Variants in SNX30 observed in about 807,000 individuals in gnomAD.
SNX30 encodes the protein sorting nexin family member 30, also known as sorting nexin-30.
In SNX30, 24 loss-of-function variants were observed where a neutral mutation model predicts 46.4. That is an observed-to-expected ratio of 0.52 (90% confidence interval 0.37 to 0.73). The LOEUF is 0.73. SNX30 is among the 30% of genes least tolerant of loss of function. The pLI, the probability that SNX30 is intolerant of heterozygous loss-of-function variation, is 0.00. For missense variants in SNX30, 533 were observed against 555.7 expected (o/e 0.96, Z 0.41); for synonymous variants, 189 against 211.5 (o/e 0.89, Z 0.92).
chr9:112,828,653 C>T (rs549991377), intron 3 of SNX30, among the ~76,000 whole-genome samples: 127 of 152,192 alleles, frequency 8.3e-4, no homozygotes, highest in Non-Finnish European at 1.6e-3. Context: ...GATCCGTTGA[C>T]AGGGAACTTT....
rs539644782 is a variant in SNX30, at chr9:112,822,549, T to G, written c.459+4734T>G. On this transcript the variant is annotated intron_variant, in intron 3 of 8. Transcript: ENST00000374232. Reference sequence around the variant, plus strand: ...CTTTGCTGTTTTGTTTTGTTTTTTTTTTTTGTAAGAACCTGTAACATAAGA... The same window carrying G: ...CTTTGCTGTTTTGTTTTGTTTTTTTGTTTTGTAAGAACCTGTAACATAAGA... 4.9e-4 allele frequency among the ~76,000 whole-genome samples: 73 copies of G among 150,454 alleles called. 1 individual carries two copies. Among genetic ancestry groups the G allele is most frequent in the African/African-American group, 1.7e-3 (69 of 41,092 alleles).
At chr9:112,866,869 TCCCACC>T (rs1841355113) in intron 8 of SNX30, among the ~76,000 whole-genome samples, 1 of 141,212 alleles carries the variant, frequency 7.1e-6, no homozygotes. Flanking sequence ...TCAGAACTCC[TCCCACC>T]TCCTCAGAAC....
chr9:112,780,772 A>T (rs986142076), intron 1 of SNX30, among the ~76,000 whole-genome samples: 1 of 152,204 alleles, frequency 6.6e-6, no homozygotes, highest in Non-Finnish European at 1.5e-5. Context: ...GAAATTCACT[A>T]GGTATAAATA....
At chr9:112,752,119 G>A (rs1391636303) in intron 1 of SNX30, among the ~76,000 whole-genome samples, 1 of 152,134 alleles carries the variant, frequency 6.6e-6, no homozygotes, top group African/African-American at 2.4e-5. Flanking sequence ...GGGAGCAGGG[G>A]ACCTAACTTT....
chr9:112,883,960 G>A (rs182890684), downstream of SNX30, among the ~76,000 whole-genome samples: 2 of 152,310 alleles, frequency 1.3e-5, no homozygotes, highest in African/African-American at 4.8e-5. Context: ...CTCCCAAAGT[G>A]CTGGGATTAC....
intron 1 of SNX30, among the ~76,000 whole-genome samples, chr9:112,786,128 T>C (rs969475593): frequency 4.6e-5 from 7 of 151,502 alleles, no homozygotes; most frequent in African/African-American, 1.7e-4. Context: ...TTTTTTTTTT[T>C]TTTTTTGGAG....
intron 1 of SNX30, among the ~76,000 whole-genome samples, chr9:112,757,072 T>G (rs183483509): frequency 2.3e-4 from 35 of 152,342 alleles, no homozygotes; most frequent in African/African-American, 8.2e-4. Flanking sequence ...AGTCCTCATG[T>G]TCTACATTAG....
rs999683555 is a variant in SNX30 at position 112,804,827 on chromosome 9, T to G, written c.208T>G (p.Ser70Ala). The change falls in exon 2 of 9, where the codon TCT becomes GCT. Residue 70 changes from serine (S) to alanine (A), a missense_variant. Ser to Ala is a moderately conservative substitution (Grantham distance 99, BLOSUM62 1). Around this residue, in one of 3 missense-constraint regions of SNX30, gnomAD observed 191 missense variants for 160.3 expected, o/e 1.19. Transcript: ENST00000374232. ...TCCAGCAGGTACTTCAAGTCCAGCTTCTTCATCTTCCCTTCTCAACAGACT... is the reference window on the plus strand; with the variant it reads ...TCCAGCAGGTACTTCAAGTCCAGCTGCTTCATCTTCCCTTCTCAACAGACT... Reference protein sequence around the residue: ...GTPAGTSSPASSSSLLNRLQL... With the variant: ...GTPAGTSSPAASSSLLNRLQL... 1.1e-5 allele frequency: 17 copies of G among 1,613,908 alleles called. No homozygotes were observed. The highest frequency in any genetic ancestry group is 1.4e-5 in the Non-Finnish European group (17 of 1,179,822).
intron 1 of SNX30, among the ~76,000 whole-genome samples, chr9:112,771,584 G>A (rs1003942699): frequency 6.6e-6 from 1 of 152,110 alleles, no homozygotes; most frequent in African/African-American, 2.4e-5. Flanking sequence ...CAAGAGTATA[G>A]TCTCCCCGGG....
intron 4 of SNX30, among the ~76,000 whole-genome samples, chr9:112,831,139 T>TA (rs77607146): frequency 0.023 from 2,690 of 119,106 alleles, 30 homozygotes; most frequent in Admixed American, 0.049. Flanking sequence ...CCTATCTCTT[T>TA]AAAAAAAAAA....
intron 4 of SNX30, among the ~76,000 whole-genome samples, chr9:112,834,549 A>G (rs1049615059): frequency 3.3e-5 from 5 of 152,156 alleles, no homozygotes; most frequent in African/African-American, 9.7e-5. Context: ...AGCACCCTTC[A>G]GGAAACTCCA....
downstream of SNX30, among the ~76,000 whole-genome samples, chr9:112,884,300 C>G (rs1241105797): frequency 2.0e-5 from 3 of 152,240 alleles, no homozygotes; most frequent in Non-Finnish European, 4.4e-5. Context: ...CTCCCCTGCT[C>G]TGGCATGCCT....
chr9:112,779,213 G>A (rs560709731), intron 1 of SNX30, among the ~76,000 whole-genome samples: 1 of 152,328 alleles, frequency 6.6e-6, no homozygotes, highest in African/African-American at 2.4e-5. Context: ...ATGTATTAGC[G>A]GGACATTTAG....
At chr9:112,794,285 G>A (rs775805096) in intron 1 of SNX30, among the ~76,000 whole-genome samples, 98 of 151,874 alleles carry the variant, frequency 6.5e-4, no homozygotes, top group Non-Finnish European at 1.1e-3. Flanking sequence ...CCTGAGTAGC[G>A]GGGATTACAG....
intron 1 of SNX30, among the ~76,000 whole-genome samples, chr9:112,761,218 A>G (rs1352840535): frequency 1.3e-5 from 2 of 152,168 alleles, no homozygotes; most frequent in African/African-American, 4.8e-5. Context: ...GCTGGAGTGC[A>G]GTGGTGTTAC....
At chr9:112,879,484 C>T, downstream of SNX30, 2 of 376,276 alleles carry the variant, frequency 5.3e-6, no homozygotes, top group Non-Finnish European at 9.9e-6. Flanking sequence ...GTGCAGCCTG[C>T]CTGTAACCCT....
At chr9:112,784,242 AC>A (rs1839886240) in intron 1 of SNX30, among the ~76,000 whole-genome samples, 1 of 152,002 alleles carries the variant, frequency 6.6e-6, no homozygotes. Context: ...GGGTACCTGG[AC>A]AGTTGGCAGC....
Position 112,810,877 on chromosome 9 carries a change from G to A in SNX30, c.348+5910G>A, listed in dbSNP as rs566618146. 8.2e-4 allele frequency among the ~76,000 whole-genome samples: 125 copies of A among 152,220 alleles called. 1 individual carries two copies. The highest frequency in any genetic ancestry group is 2.8e-3 in the African/African-American group (118 of 41,536). ...AGCCTCAGAAGGGTTTTCACAGGGC[G>A]GTTGGGGAGTGGTGGTCAGGAGCTG... On this transcript the variant is annotated intron_variant, in intron 2 of 8. Transcript: ENST00000374232.
intron 1 of SNX30, among the ~76,000 whole-genome samples, chr9:112,756,570 C>T (rs2131345544): frequency 6.7e-6 from 1 of 149,832 alleles, no homozygotes; most frequent in Non-Finnish European, 1.5e-5. Flanking sequence ...AAGCGATTTT[C>T]CTGCCTCAGC....
Sources: gnomAD v4.1 joint callset for allele counts (sites outside exome capture counted in the v4.1 genomes callset) on GRCh38, gnomAD v4.1.1 for gene constraint, gnomAD v4.1.1 regional missense constraint, MANE v1.5 for transcripts, NCBI Gene and HGNC (gene_info 2026-07-23, HGNC 2026-07-21) for gene names.